Variants in DGKB observed in about 807,000 individuals in gnomAD.
DGKB encodes 90 kDa diacylglycerol kinase.
DGKB carries 67 observed loss-of-function variants against 114.3 expected under a neutral mutation model. That is an observed-to-expected ratio of 0.59 (90% CI 0.48 to 0.72). The LOEUF (loss-of-function observed/expected upper bound fraction) is 0.72, where lower values mean the gene tolerates loss of function less well. DGKB is among the 30% of genes least tolerant of loss of function. DGKB has a pLI of 0.00. For synonymous variants in DGKB, 398 were observed against 323.1 expected, an observed-to-expected ratio of 1.23 and a Z score of -2.49; for missense variants, 907 against 975.2, an observed-to-expected ratio of 0.93 and a Z score of 0.93.
At chr7:14,847,404 G>A (rs1420206618) in intron 1 of DGKB, among the ~76,000 whole-genome samples, 1 of 152,016 alleles carries the variant, frequency 6.6e-6, no homozygotes, top group Non-Finnish European at 1.5e-5. Context: ...GATGGGAAAG[G>A]ATGCAGAGCC....
chr7:14,275,804 A>G (rs2128442867), intron 23 of DGKB, among the ~76,000 whole-genome samples: 1 of 152,338 alleles, frequency 6.6e-6, no homozygotes, highest in East Asian at 1.9e-4. Flanking sequence ...ACTAATTCAT[A>G]ATTGCCATGA....
chr7:14,899,554 T>G (rs1387692222), intron 1 of DGKB, among the ~76,000 whole-genome samples: 1 of 152,136 alleles, frequency 6.6e-6, no homozygotes, highest in Admixed American at 6.6e-5. Context: ...CTTATTTTCT[T>G]TTTATACCTC....
intron 20 of DGKB, among the ~76,000 whole-genome samples, chr7:14,540,842 C>T (rs1249868581): frequency 6.6e-6 from 1 of 152,088 alleles, no homozygotes; most frequent in Non-Finnish European, 1.5e-5. Flanking sequence ...AGCCTGTTAG[C>T]TGAACATGTT....
At chr7:14,638,768 G>A (rs1412300127) in intron 13 of DGKB, among the ~76,000 whole-genome samples, 2 of 152,162 alleles carry the variant, frequency 1.3e-5, no homozygotes, top group Non-Finnish European at 2.9e-5. Context: ...AGGGCCGGGT[G>A]CAGTGGCTCA....
At chr7:14,244,057 GA>G (rs1645478101) in intron 23 of DGKB, among the ~76,000 whole-genome samples, 1 of 86,294 alleles carries the variant, frequency 1.2e-5, no homozygotes, top group Non-Finnish European at 3.0e-5. Context: ...GAGAGAGGGA[GA>G]GAGAGAGAGA....
intron 12 of DGKB, among the ~76,000 whole-genome samples, chr7:14,678,162 G>C (rs1406196318): frequency 1.3e-5 from 2 of 151,982 alleles, no homozygotes; most frequent in Admixed American, 6.6e-5. Flanking sequence ...TCTTACTGAA[G>C]ACTTTTCTAC....
At chr7:14,716,433 T>A (rs1250570182) in intron 6 of DGKB, among the ~76,000 whole-genome samples, 1 of 152,282 alleles carries the variant, frequency 6.6e-6, no homozygotes, top group East Asian at 1.9e-4. Context: ...CCTGCAAAAG[T>A]TAATTTTAGG....
chr7:14,185,753 A>G (rs1187321501), intron 23 of DGKB, among the ~76,000 whole-genome samples: 1 of 152,178 alleles, frequency 6.6e-6, no homozygotes, highest in Non-Finnish European at 1.5e-5. Context: ...ACAAACAAAA[A>G]CATAAAGTGG....
In DGKB at chr7:14,169,085, T is replaced by A. The variant is rs565631786; in HGVS notation, c.2304+7754A>T. 4.0e-5 allele frequency among the ~76,000 whole-genome samples: 6 copies of A among 151,060 alleles called. No individual in the cohort carries two copies. The South Asian group carries it at 1.3e-3, about 32-fold the overall frequency. On this transcript the variant is annotated intron_variant, in intron 25 of 25. Coordinates refer to ENST00000402815, the MANE Select transcript of DGKB (RefSeq NM_001350709.2). ...AAAGAAATGCAAACCATGGGCCGGGTGCAGTGGCTCACGCCTGTAATCCCA... is the reference window on the plus strand; with the variant it reads ...AAAGAAATGCAAACCATGGGCCGGGAGCAGTGGCTCACGCCTGTAATCCCA...
At chr7:14,218,144 T>C (rs1019841728) in intron 23 of DGKB, among the ~76,000 whole-genome samples, 7 of 152,046 alleles carry the variant, frequency 4.6e-5, no homozygotes, top group Admixed American at 2.6e-4. Context: ...GTGTTCAGAT[T>C]ATGTAAAATT....
chr7:14,159,898 C>T (rs544715473), intron 25 of DGKB, among the ~76,000 whole-genome samples: 2 of 152,136 alleles, frequency 1.3e-5, no homozygotes, highest in Non-Finnish European at 2.9e-5. Flanking sequence ...TCTCAAACTC[C>T]TGATCTTGGG....
At chr7:14,200,067 A>T (rs760718396) in intron 23 of DGKB, among the ~76,000 whole-genome samples, 4 of 152,046 alleles carry the variant, frequency 2.6e-5, no homozygotes, top group Non-Finnish European at 4.4e-5. Flanking sequence ...CTGGAGGCCA[A>T]CATGCCACTG....
At chr7:14,368,749 C>T in intron 21 of DGKB, among the ~76,000 whole-genome samples, 1 of 151,922 alleles carries the variant, frequency 6.6e-6, no homozygotes, top group East Asian at 1.9e-4. Flanking sequence ...AGTTTTTACT[C>T]AATGAGATGC....
intron 12 of DGKB, among the ~76,000 whole-genome samples, chr7:14,679,990 TATG>T (rs986023041): frequency 6.6e-6 from 1 of 151,986 alleles, no homozygotes; most frequent in Non-Finnish European, 1.5e-5. Context: ...CTCCTGGATA[TATG>T]ATAACTTTTT....
intron 23 of DGKB, among the ~76,000 whole-genome samples, chr7:14,324,619 C>G (rs1387143767): frequency 6.6e-6 from 1 of 151,888 alleles, no homozygotes; most frequent in Non-Finnish European, 1.5e-5. Context: ...AGCTCATTAC[C>G]AGGTGGCAAA....
At chr7:14,458,138 C>T (rs7807072) in intron 21 of DGKB, among the ~76,000 whole-genome samples, 81,582 of 151,946 alleles carry the variant, frequency 0.54, 22,585 homozygotes, top group African/African-American at 0.66. Context: ...GGGAAGCCTT[C>T]TAAAAATTTA....
At chr7:14,959,619 T>C (rs551527780) in intron 1 of DGKB, among the ~76,000 whole-genome samples, 2 of 152,148 alleles carry the variant, frequency 1.3e-5, no homozygotes, top group South Asian at 4.1e-4. Context: ...CAGTGTGCTC[T>C]TTCAGTGTGC....
chr7:14,546,691 A>G (rs947087197), intron 20 of DGKB, among the ~76,000 whole-genome samples: 3 of 152,202 alleles, frequency 2.0e-5, no homozygotes, highest in African/African-American at 7.2e-5. Context: ...AATTGAATCC[A>G]GACCATACTG....
At chr7:14,612,185 A>ATTTTAT (rs377174515) in intron 16 of DGKB, among the ~76,000 whole-genome samples, 2 of 149,714 alleles carry the variant, frequency 1.3e-5, no homozygotes, top group Non-Finnish European at 1.5e-5. Flanking sequence ...ATTTTATTTT[A>ATTTTAT]TTTATTTGAG....
Sources: allele counts gnomAD v4.1 joint callset (sites outside exome capture counted in the v4.1 genomes callset), GRCh38; gene constraint gnomAD v4.1.1; transcripts MANE v1.5; gene names NCBI Gene and HGNC (gene_info 2026-07-23, HGNC 2026-07-21).